CTSS: variants seen among roughly 807,000 people sequenced by gnomAD.
The protein encoded by CTSS is cathepsin S.
CTSS carries 15 observed loss-of-function variants against 39.9 expected under a neutral mutation model. The ratio of observed to expected loss-of-function variants is 0.38; its 90% CI spans 0.25 to 0.58. CTSS has a LOEUF of 0.58. Ranked by LOEUF, CTSS falls within the 20% of genes least tolerant of loss-of-function variation. The pLI is 0.70. For synonymous variants in CTSS, 126 were observed against 138.2 expected, an observed-to-expected ratio of 0.91 and a Z score of 0.62; for missense variants, 250 against 398.2, an observed-to-expected ratio of 0.63 and a Z score of 3.17.
At chr1:150,756,708 C>CTTTTTTTTTTTTTTTTT (rs72242218) in intron 3 of CTSS, among the ~76,000 whole-genome samples, 12 of 131,172 alleles carry the variant, frequency 9.1e-5, no homozygotes, top group South Asian at 2.5e-4. Flanking sequence ...TTCTTTCTTT[C>CTTTTTTTTTTTTTTTTT]TTTTTTTTTT....
At chr1:150,757,182 G>A (rs1205080987) in intron 3 of CTSS, among the ~76,000 whole-genome samples, 1 of 152,180 alleles carries the variant, frequency 6.6e-6, no homozygotes, top group Non-Finnish European at 1.5e-5. Flanking sequence ...CTTGGCACTA[G>A]CATCCCAGCT....
chr1:150,760,079 C>T (rs886700000), intron 2 of CTSS, among the ~76,000 whole-genome samples: 2 of 149,512 alleles, frequency 1.3e-5, no homozygotes, highest in Non-Finnish European at 3.0e-5. Context: ...AGGTAGGATA[C>T]GAATCAAAAG....
At chr1:150,743,550 G>A (rs1010204316) in intron 7 of CTSS, among the ~76,000 whole-genome samples, 2 of 133,542 alleles carry the variant, frequency 1.5e-5, no homozygotes, top group African/African-American at 5.6e-5. Flanking sequence ...TATATATAGA[G>A]AGATTTATAT....
chr1:150,764,745 C>G lies in CTSS; in HGVS notation c.19G>C (p.Val7Leu). 6.2e-7 allele frequency: 1 copy of G among 1,614,006 alleles called. No homozygotes were observed. The highest frequency in any genetic ancestry group is 1.1e-5 in the South Asian group (1 of 91,072). Residue 7 changes from valine to leucine, a missense_variant, in exon 2 of 8, where the codon GTG (valine) becomes CTG (leucine). Val to Leu is a conservative substitution (Grantham distance 32). Coordinates refer to ENST00000368985, the MANE Select transcript of CTSS (RefSeq NM_004079.5). MKRLVCVLLVCSSAVAQ... is the reference protein window; with the variant it reads MKRLVCLLLVCSSAVAQ... ...ACTGCAGAGGAGCACACCAAGAGCA[C>G]ACAAACCAGCCGTTTCATTCTGTGT...
At chr1:150,734,412 G>T (rs1386500879) in intron 7 of CTSS, among the ~76,000 whole-genome samples, 1 of 151,986 alleles carries the variant, frequency 6.6e-6, no homozygotes, top group South Asian at 2.1e-4. Flanking sequence ...AGGCAGAGAC[G>T]GGCAGATCAT....
chr1:150,747,826 C>T lies in CTSS; in HGVS notation c.847G>A (p.Val283Ile), dbSNP rs762906143. The T allele has an allele frequency of 3.1e-6, 5 of 1,613,768 alleles. No individual in the cohort carries two copies. The African/African-American group carries it at 4.0e-5, about 13-fold the overall frequency. Reference sequence around the variant, plus strand: ...TTCCCATTAAGATCACCATAGCCAACCACAAGTACACCATGATTCACATTC... The same window carrying T: ...TTCCCATTAAGATCACCATAGCCAATCACAAGTACACCATGATTCACATTC... The part of the protein sequence containing the change: ...TQNVNHGVLV[V>I]GYGDLNGKEY... The change falls in exon 7 of 8, where the codon GTT (valine) becomes ATT (isoleucine). Residue 283 changes from valine to isoleucine, a missense_variant. Val to Ile is a conservative substitution (Grantham distance 29). Coordinates refer to ENST00000368985, the MANE Select transcript of CTSS (RefSeq NM_004079.5).
intron 7 of CTSS, among the ~76,000 whole-genome samples, chr1:150,742,781 GC>G (rs1413934514): frequency 6.6e-6 from 1 of 152,148 alleles, no homozygotes; most frequent in Non-Finnish European, 1.5e-5. Flanking sequence ...TGATGCTTAG[GC>G]TTTAATAATC....
intron 2 of CTSS, among the ~76,000 whole-genome samples, chr1:150,758,838 C>T (rs1044690919): frequency 2.5e-4 from 37 of 150,786 alleles, no homozygotes; most frequent in Non-Finnish European, 3.5e-4. Flanking sequence ...GTGTAAGCCA[C>T]CGCGCCCAGC....
intron 7 of CTSS, among the ~76,000 whole-genome samples, chr1:150,739,896 GTTC>G (rs34025241): frequency 0.38 from 57,060 of 151,712 alleles, 10,951 homozygotes; most frequent in South Asian, 0.54. Flanking sequence ...ACCTGCCGAA[GTTC>G]TTCTATGCCT....
chr1:150,737,735 C>T (rs908025264), intron 7 of CTSS, among the ~76,000 whole-genome samples: 3 of 151,844 alleles, frequency 2.0e-5, no homozygotes, highest in Admixed American at 6.6e-5. Flanking sequence ...ATATGATAAA[C>T]GAAGAAATAC....
At chr1:150,735,902 G>A (rs587696993) in intron 7 of CTSS, among the ~76,000 whole-genome samples, 53 of 151,800 alleles carry the variant, frequency 3.5e-4, no homozygotes, top group East Asian at 3.5e-3. Context: ...AATTACAGGC[G>A]CCCACCACCA....
chr1:150,736,826 C>G (rs1652644348), intron 7 of CTSS, among the ~76,000 whole-genome samples: 1 of 151,934 alleles, frequency 6.6e-6, no homozygotes, highest in Non-Finnish European at 1.5e-5. Flanking sequence ...GTCTTGCCTT[C>G]AGAATTATAC....
chr1:150,737,391 T>C (rs587647445), intron 7 of CTSS, among the ~76,000 whole-genome samples: 9 of 152,244 alleles, frequency 5.9e-5, no homozygotes, highest in African/African-American at 1.9e-4. Flanking sequence ...CGTGAGCCAC[T>C]GAGCCGGGCT....
intron 1 of CTSS, among the ~76,000 whole-genome samples, chr1:150,765,492 A>G (rs1196622176): frequency 6.6e-6 from 1 of 152,194 alleles, no homozygotes; most frequent in South Asian, 2.1e-4. Context: ...TTATATTCCA[A>G]AGAAAGCCAT....
chr1:150,730,522 C>G lies in CTSS; in HGVS notation c.*2524G>C, dbSNP rs587653071. 1.3e-5 allele frequency: 2 copies of G among 150,358 alleles called. No individual in the cohort carries two copies. Among genetic ancestry groups the G allele is most frequent in the South Asian group, 4.4e-4 (2 of 4,588 alleles). 9.3% of individuals were successfully genotyped at this position (150,358 alleles called of 1,614,324 possible). A position where few individuals can be genotyped will look rare whatever the true frequency, so the allele number is the denominator to read the frequency against. ...TCAGGGGAAGGTCAGAAAATCCTTC[C>G]CAGGTTTTATGGCTGCTTCTGGGGA... On this transcript the variant is annotated 3_prime_UTR_variant, in exon 8 of 8. Coordinates refer to ENST00000368985, the MANE Select transcript of CTSS (RefSeq NM_004079.5).
intron 3 of CTSS, among the ~76,000 whole-genome samples, 157 bp from the exon 4 acceptor site, chr1:150,755,307 G>A (rs1244561923): frequency 6.6e-6 from 1 of 152,192 alleles, no homozygotes; most frequent in Non-Finnish European, 1.5e-5. Flanking sequence ...GTATGGTAGG[G>A]CCCATTGCTC....
At chr1:150,736,288 A>C (rs760716815) in intron 7 of CTSS, among the ~76,000 whole-genome samples, 9 of 152,216 alleles carry the variant, frequency 5.9e-5, no homozygotes, top group Non-Finnish European at 8.8e-5. Context: ...TACTAAAGAA[A>C]AAAACAGAAG....
rs1255036651 is a variant in CTSS at position 150,732,032 on chromosome 1, T to G, written c.*1014A>C. 6.6e-6 allele frequency: 1 copy of G among 152,120 alleles called. No individual in the cohort carries two copies. Among genetic ancestry groups the G allele is most frequent in the Admixed American group, 6.6e-5 (1 of 15,240 alleles). The allele number at this position is 152,120 out of a possible 1,614,324, so 9.4% of individuals were successfully genotyped here. The stretch of plus-strand genomic sequence containing the variant: ...TTGTGATCCTCCTGTCTTAGACATC[T>G]GCATAGCAGGGACCACAGGCACACA... On this transcript the variant is annotated 3_prime_UTR_variant, in exon 8 of 8. Coordinates refer to ENST00000368985, the MANE Select transcript of CTSS (RefSeq NM_004079.5).
At chr1:150,760,255 C>T (rs766479618) in intron 2 of CTSS, among the ~76,000 whole-genome samples, 1 of 152,074 alleles carries the variant, frequency 6.6e-6, no homozygotes, top group African/African-American at 2.4e-5. Context: ...CCAACGAAAC[C>T]GTATGATCAT....
Sources: allele counts gnomAD v4.1 joint callset (sites outside exome capture counted in the v4.1 genomes callset), GRCh38; gene constraint gnomAD v4.1.1; transcripts MANE v1.5; gene names NCBI Gene and HGNC (gene_info 2026-07-23, HGNC 2026-07-21).